The following DSC3 variants were observed in gnomAD, a reference collection of about 807,000 sequenced individuals.
DSC3 encodes desmocollin 3.
Under a neutral mutation model 89.5 loss-of-function variants are expected in DSC3, and 97 were observed. The observed-to-expected ratio is 1.08, with a 90% CI of 0.92 to 1.28. DSC3 has a LOEUF of 1.28. Among genes scored for constraint, DSC3 ranks in the 50% most tolerant of loss-of-function variants. The probability of loss-of-function intolerance (pLI) is 0.00; values close to 1 mark genes in which losing one functional copy is unlikely to be tolerated. For missense variants in DSC3, 1,199 were observed against 1,085.3 expected, an observed-to-expected ratio of 1.10 and a Z score of -1.47; for synonymous variants, 436 against 384.1, an observed-to-expected ratio of 1.14 and a Z score of -1.58.
At chr18:31,026,321 G>A (rs1266601331) in intron 4 of DSC3, among the ~76,000 whole-genome samples, 1 of 151,876 alleles carries the variant, frequency 6.6e-6, no homozygotes, top group Non-Finnish European at 1.5e-5. Context: ...TGAGGTAATA[G>A]GGGCCACATT....
At position 30,994,506 on chromosome 18, in the gene DSC3, G is replaced by A. The variant is rs8089682; in HGVS notation, c.2494-134C>T. ...GTCCTCTAATGGATTCCTACACACA[G>A]AAAATGCAAATGATTGGTCTATATC... On this transcript the variant is annotated intron_variant, in intron 15 of 15. Coordinates refer to ENST00000360428, the MANE Select transcript of DSC3 (RefSeq NM_001941.5). The A allele has an allele frequency of 0.091, 143,700 of 1,577,370 alleles. 13,397 individuals carry two copies. Among genetic ancestry groups the A allele is most frequent in the African/African-American group, 0.47 (34,070 of 72,752 alleles).
At chr18:31,017,943 T>C (rs1307202876) in intron 9 of DSC3, 128 bp downstream of exon 9, 5 of 701,448 alleles carry the variant, frequency 7.1e-6, no homozygotes, top group Non-Finnish European at 1.2e-5. Context: ...ATTGGAATAG[T>C]GGTTTAAATA....
At chr18:30,997,386 A>G (rs1984514241) in intron 14 of DSC3, among the ~76,000 whole-genome samples, 2 of 152,062 alleles carry the variant, frequency 1.3e-5, no homozygotes, top group Non-Finnish European at 2.9e-5. Context: ...AGTGAGAGGG[A>G]GAGGGAGAGA....
At chr18:31,035,620 AT>A (rs1985944988) in intron 1 of DSC3, among the ~76,000 whole-genome samples, 1 of 151,938 alleles carries the variant, frequency 6.6e-6, no homozygotes, top group South Asian at 2.1e-4. Flanking sequence ...TGCCCAATAT[AT>A]ATTTACTCAC....
intron 13 of DSC3, among the ~76,000 whole-genome samples, chr18:31,003,103 A>G (rs1484292419): frequency 6.7e-6 from 1 of 148,854 alleles, no homozygotes; most frequent in Non-Finnish European, 1.5e-5. Context: ...TTCTTCCCCC[A>G]GGCGTTCCGC....
In DSC3 at chr18:30,991,573, T is replaced by C. The variant is rs1354735190; in HGVS notation, c.*2602A>G. 1 of 152,190 alleles carries C rather than the reference T, an allele frequency of 6.6e-6. No homozygotes were observed. The highest frequency in any genetic ancestry group is 2.4e-5 in the African/African-American group (1 of 41,440). 9.4% of individuals were successfully genotyped at this position (152,190 alleles called of 1,614,324 possible). On this transcript the variant is annotated 3_prime_UTR_variant, in exon 16 of 16. Transcript: ENST00000360428. Reference sequence around the variant, plus strand: ...ATACTGGTTGCTCTTTGAGAAAGTTTATCGGCACTAGTAAAGTCTTGGGGA... The same window carrying C: ...ATACTGGTTGCTCTTTGAGAAAGTTCATCGGCACTAGTAAAGTCTTGGGGA...
At chr18:31,010,522 C>T (rs1985023095) in intron 9 of DSC3, among the ~76,000 whole-genome samples, 1 of 152,252 alleles carries the variant, frequency 6.6e-6, no homozygotes, top group Middle Eastern at 3.4e-3. Flanking sequence ...AATTAAAAAT[C>T]TGGTGAGATG....
At chr18:31,041,590 A>G (rs549991494) in intron 1 of DSC3, among the ~76,000 whole-genome samples, 1 of 152,288 alleles carries the variant, frequency 6.6e-6, no homozygotes, top group Non-Finnish European at 1.5e-5. Context: ...CCCCATGCGC[A>G]TCCATGGATG....
chr18:30,994,576 C>T (rs969989411), intron 15 of DSC3: 58 of 1,128,808 alleles, frequency 5.1e-5, no homozygotes, highest in Admixed American at 2.1e-5. Flanking sequence ...TCTAGTGCTC[C>T]ATATAAATAA....
At chr18:30,997,418 G>T (rs1289822850) in intron 14 of DSC3, among the ~76,000 whole-genome samples, 2 of 152,076 alleles carry the variant, frequency 1.3e-5, no homozygotes, top group African/African-American at 4.8e-5. Context: ...GCAACAGGGG[G>T]CTGAACTTGC....
rs184800075 is a variant in DSC3 at position 31,006,850 on chromosome 18, A to C, written c.1888+57T>G. 32 of 1,356,774 alleles carry C rather than the reference A, an allele frequency of 2.4e-5. No homozygotes were observed. The African/African-American group carries it at 2.9e-4, about 12-fold the overall frequency. 84.0% of individuals were successfully genotyped at this position (1,356,774 alleles called of 1,614,324 possible). A position where few individuals can be genotyped will look rare whatever the true frequency, so the allele number is the denominator to read the frequency against. ...TTTGTGTAAGTAAGCAAGTCAATCT[A>C]TCCTCCAGTTATTCTGTTATTTCAG... On this transcript the variant is annotated intron_variant, in intron 12 of 15. Coordinates refer to ENST00000360428, the MANE Select transcript of DSC3 (RefSeq NM_001941.5).
At chr18:31,024,533 C>A (rs754000724) in intron 5 of DSC3, 40 bp from the exon 6 acceptor site, 3 of 1,600,156 alleles carry the variant, frequency 1.9e-6, no homozygotes, top group African/African-American at 1.3e-5. Flanking sequence ...AATATCAGAT[C>A]CCGGCAAGAC....
chr18:31,000,186 A>G (rs1230594595), intron 14 of DSC3, among the ~76,000 whole-genome samples: 1 of 152,102 alleles, frequency 6.6e-6, no homozygotes, highest in Non-Finnish European at 1.5e-5. Flanking sequence ...CGAGACATAG[A>G]AAAGGCTGGA....
At chr18:31,004,089 A>G in intron 13 of DSC3, 53 bp downstream of exon 13, 1 of 1,384,158 alleles carries the variant, frequency 7.2e-7, no homozygotes, top group Non-Finnish European at 1.0e-6. Context: ...ATCTTTTCCC[A>G]CACCTAGATT....
chr18:31,009,977 C>G (rs140398481), intron 9 of DSC3, among the ~76,000 whole-genome samples: 1 of 152,234 alleles, frequency 6.6e-6, no homozygotes, highest in East Asian at 1.9e-4. Flanking sequence ...CAAGTAAAAC[C>G]CATAAAACAT....
chr18:31,032,254 G>C lies in DSC3; in HGVS notation c.92C>G (p.Ala31Gly). 1 of 1,613,172 alleles carries C rather than the reference G, an allele frequency of 6.2e-7. No homozygotes were observed. Among genetic ancestry groups the C allele is most frequent in the Non-Finnish European group, 8.5e-7 (1 of 1,179,356 alleles). Residue 31 changes from alanine to glycine, a missense_variant, in exon 2 of 16, where the codon GCC becomes GGC. By Grantham distance (60) the Ala-to-Gly change is moderately conservative. Transcript: ENST00000360428. The stretch of plus-strand genomic sequence containing the variant: ...TACATTAAGTATCACCTTTTTGCAG[G>C]CTTCACCAGCACGACTGAAGATCTA... ...TLVIFSRAGE[A>G]CKKVILNVPS...
In DSC3 at chr18:30,994,334, T is replaced by A; in HGVS notation, c.2532A>T (p.Pro844=). The A allele has an allele frequency of 6.2e-7, 1 of 1,614,158 alleles. No homozygotes were observed. Among genetic ancestry groups the A allele is most frequent in the Non-Finnish European group, 8.5e-7 (1 of 1,179,988 alleles). ...HRCNQNEDRM[P]SQDYVLTYNY... is the part of the protein sequence containing the mutation. ...TATAAGTGAGGACATAATCTTGGGATGGCATGCGGTCTTCATTCTGATTAC... is the reference window on the plus strand; with the variant it reads ...TATAAGTGAGGACATAATCTTGGGAAGGCATGCGGTCTTCATTCTGATTAC... The change falls in exon 16 of 16, where the codon CCA becomes CCT. Residue 844 remains proline (P), a synonymous_variant. Transcript: ENST00000360428.
chr18:31,001,045 G>A (rs1008134871), intron 14 of DSC3, among the ~76,000 whole-genome samples: 3 of 143,988 alleles, frequency 2.1e-5, no homozygotes, highest in African/African-American at 7.6e-5. Context: ...GTGTATATGT[G>A]TGTGTATATA....
chr18:31,037,653 G>C (rs1986013202), intron 1 of DSC3, among the ~76,000 whole-genome samples: 1 of 152,128 alleles, frequency 6.6e-6, no homozygotes, highest in Non-Finnish European at 1.5e-5. Flanking sequence ...TGTAATCCCA[G>C]CACTCTGGGA....
Sources: gnomAD v4.1 joint callset for allele counts (sites outside exome capture counted in the v4.1 genomes callset) on GRCh38, gnomAD v4.1.1 for gene constraint, MANE v1.5 for transcripts, NCBI Gene and HGNC (gene_info 2026-07-23, HGNC 2026-07-21) for gene names.